The following PCDHB8 variants were observed in gnomAD, a reference collection of about 807,000 sequenced individuals.
PCDHB8 encodes the protein protocadherin beta 8, also known as protocadherin beta-8.
For synonymous variants in PCDHB8, 385 were observed against 448.5 expected, an observed-to-expected ratio of 0.86 and a Z score of 1.79; for missense variants, 836 against 1,004.0, an observed-to-expected ratio of 0.83 and a Z score of 2.26.
Position 141,180,391 on chromosome 5 carries a change from A to T in PCDHB8, c.2357A>T (p.Gln786Leu). ...CATTCTTTTGGGCCAGAAATGGAAC[A>T]AAACTCTAACTTTAGGAATGGCTTT... Reference protein sequence around the residue: ...QGHSFGPEMEQNSNFRNGFGF... With the variant: ...QGHSFGPEMELNSNFRNGFGF... The change falls in exon 1 of 1, where the codon CAA (glutamine) becomes CTA (leucine). Residue 786 changes from glutamine to leucine, a missense_variant. By Grantham distance (113) the Gln-to-Leu change is moderately radical (BLOSUM62 -2). Coordinates refer to ENST00000239444, the MANE Select transcript of PCDHB8 (RefSeq NM_019120.5). The T allele has an allele frequency of 6.2e-7, 1 of 1,608,586 alleles. No individual in the cohort carries two copies. Among genetic ancestry groups the T allele is most frequent in the Non-Finnish European group, 8.5e-7 (1 of 1,175,382 alleles).
chr5:141,180,134 G>A lies in PCDHB8; in HGVS notation c.2100G>A (p.Ser700=), dbSNP rs1235643501. ...TGGTGGCGTTGGCCTCGGTGTCTTC[G>A]CTCTTCCTCTTCTCGGTGCTCCTGT... The part of the protein sequence containing the change: ...YLVVALASVS[S]LFLFSVLLFV... Residue 700 remains serine, a synonymous_variant, in exon 1 of 1, where the codon TCG becomes TCA. Coordinates refer to ENST00000239444, the MANE Select transcript of PCDHB8 (RefSeq NM_019120.5). 5 of 1,611,202 alleles carry A rather than the reference G, an allele frequency of 3.1e-6. No individual in the cohort carries two copies. In the South Asian group the frequency reaches 3.3e-5, roughly 11 times the overall value.
In PCDHB8 at chr5:141,178,518, G is replaced by A; in HGVS notation, c.484G>A (p.Asp162Asn). The change falls in exon 1 of 1, where the codon GAT becomes AAT. Residue 162 changes from aspartate to asparagine, a missense_variant. Coordinates refer to ENST00000239444, the MANE Select transcript of PCDHB8 (RefSeq NM_019120.5). The part of the protein sequence containing the change: ...AFPLKNAEDL[D>N]IGQNNIENYI... ...TCCTCTGAAGAATGCTGAAGACTTA[G>A]ATATAGGCCAAAACAATATTGAGAA... 2.5e-6 allele frequency: 4 copies of A among 1,614,216 alleles called. No individual in the cohort carries two copies. Among genetic ancestry groups the A allele is most frequent in the Non-Finnish European group, 3.4e-6 (4 of 1,180,044 alleles).
rs1753532513 is a variant in PCDHB8 at position 141,180,339 on chromosome 5, A to G, written c.2305A>G (p.Lys769Glu). The G allele has an allele frequency of 1.9e-6, 3 of 1,614,150 alleles. No individual in the cohort carries two copies. The highest frequency in any genetic ancestry group is 2.5e-6 in the Non-Finnish European group (3 of 1,180,028). Residue 769 changes from lysine to glutamate, a missense_variant, in exon 1 of 1, where the codon AAA becomes GAA. Lys to Glu is a moderately conservative substitution (Grantham distance 56). Coordinates refer to ENST00000239444, the MANE Select transcript of PCDHB8 (RefSeq NM_019120.5). ...GSGTNEFQLL[K>E]PVLPNIQGHS... ...AGGGACGAATGAGTTCCAGCTCCTG[A>G]AACCAGTATTACCTAATATTCAGGG...
At position 141,179,914 on chromosome 5, in the gene PCDHB8, C is replaced by T; in HGVS notation, c.1880C>T (p.Thr627Ile). The T allele has an allele frequency of 6.2e-7, 1 of 1,609,208 alleles. No homozygotes were observed. Among genetic ancestry groups the T allele is most frequent in the Non-Finnish European group, 8.5e-7 (1 of 1,179,552 alleles). The stretch of plus-strand genomic sequence containing the variant: ...TGGGCGCACAATGGCGAGGTGCGCA[C>T]CGCCAGGCTGCTGAGCGAGCGCGAC... The part of the protein sequence containing the change: ...GVWAHNGEVR[T>I]ARLLSERDAA... Residue 627 changes from threonine to isoleucine, a missense_variant, in exon 1 of 1, where the codon ACC becomes ATC. Coordinates refer to ENST00000239444, the MANE Select transcript of PCDHB8 (RefSeq NM_019120.5).
At position 141,179,353 on chromosome 5, in the gene PCDHB8, T is replaced by A. The variant is rs1753474868; in HGVS notation, c.1319T>A (p.Val440Glu). The change falls in exon 1 of 1, where the codon GTG becomes GAG. Residue 440 changes from valine to glutamate, a missense_variant. Val to Glu is a moderately radical substitution (Grantham distance 121). Transcript: ENST00000239444. Reference protein sequence around the residue: ...PRLTTHLNMTVLVSDVNDNAP... With the variant: ...PRLTTHLNMTELVSDVNDNAP... ...CTGACAACACATCTCAATATGACCG[T>A]GCTGGTGTCGGACGTCAATGACAAC... 2.5e-6 allele frequency: 4 copies of A among 1,614,240 alleles called. No individual in the cohort carries two copies. The highest frequency in any genetic ancestry group is 3.4e-6 in the Non-Finnish European group (4 of 1,180,050).
rs17096961 is a variant in PCDHB8, at chr5:141,180,268, G to C, written c.2234G>C (p.Ser745Thr). 3.7e-6 allele frequency: 6 copies of C among 1,613,720 alleles called. No homozygotes were observed. The African/African-American group carries it at 4.0e-5, about 11-fold the overall frequency. Residue 745 changes from serine to threonine, a missense_variant, in exon 1 of 1, where the codon AGC (serine) becomes ACC (threonine). Transcript: ENST00000239444. ...CTGGTGGACGTGAGGGGCACCGGGAGCCTGTCTCAGAACTATCAGTACGAG... is the reference window on the plus strand; with the variant it reads ...CTGGTGGACGTGAGGGGCACCGGGACCCTGTCTCAGAACTATCAGTACGAG... ...GHLVDVRGTGSLSQNYQYEVC... is the reference protein window; with the variant it reads ...GHLVDVRGTGTLSQNYQYEVC...
Position 141,179,337 on chromosome 5 carries a change from C to G in PCDHB8, c.1303C>G (p.His435Asp), listed in dbSNP as rs868926928. Residue 435 changes from histidine (H) to aspartate (D), a missense_variant, in exon 1 of 1, where the codon CAT (histidine) becomes GAT (aspartate). His to Asp is a moderately conservative substitution (Grantham distance 81). Coordinates refer to ENST00000239444, the MANE Select transcript of PCDHB8 (RefSeq NM_019120.5). ...CTTAGGGACACCCAGGCTGACAACA[C>G]ATCTCAATATGACCGTGCTGGTGTC... ...TDLGTPRLTT[H>D]LNMTVLVSDV... 5.0e-6 allele frequency: 8 copies of G among 1,614,146 alleles called. No homozygotes were observed. In the Middle Eastern group the frequency reaches 6.6e-4, roughly 133 times the overall value.
Position 141,179,929 on chromosome 5 carries a change from G to A in PCDHB8, c.1895G>A (p.Ser632Asn), listed in dbSNP as rs1554281453. 8 of 1,608,852 alleles carry A rather than the reference G, an allele frequency of 5.0e-6. No homozygotes were observed. Among genetic ancestry groups the A allele is most frequent in the Non-Finnish European group, 6.8e-6 (8 of 1,179,564 alleles). ...NGEVRTARLL[S>N]ERDAAKQRLV... ...GAGGTGCGCACCGCCAGGCTGCTGA[G>A]CGAGCGCGACGCGGCCAAGCAGAGG... Residue 632 changes from serine (S) to asparagine (N), a missense_variant, in exon 1 of 1, where the codon AGC (serine) becomes AAC (asparagine). Coordinates refer to ENST00000239444, the MANE Select transcript of PCDHB8 (RefSeq NM_019120.5).
At position 141,178,001 on chromosome 5, in the gene PCDHB8, C is replaced by T; in HGVS notation, c.-34C>T. Reference sequence around the variant, plus strand: ...CTGGGGACTTTACAGTCCCACAGAACCGTCCTCCCAGGAAGCTGAATTCAG... The same window carrying T: ...CTGGGGACTTTACAGTCCCACAGAATCGTCCTCCCAGGAAGCTGAATTCAG... On this transcript the variant is annotated 5_prime_UTR_variant, in exon 1 of 1. Coordinates refer to ENST00000239444, the MANE Select transcript of PCDHB8 (RefSeq NM_019120.5). The T allele has an allele frequency of 6.2e-7, 1 of 1,613,822 alleles. No individual in the cohort carries two copies. Among genetic ancestry groups the T allele is most frequent in the South Asian group, 1.1e-5 (1 of 91,064 alleles).
chr5:141,178,752 G>A lies in PCDHB8; in HGVS notation c.718G>A (p.Ala240Thr), dbSNP rs568936593. 7.4e-6 allele frequency: 12 copies of A among 1,611,708 alleles called. No individual in the cohort carries two copies. The South Asian group carries it at 1.2e-4, about 16-fold the overall frequency. ...YIEVVDVNDNAPEFEQPFYRV... is the reference protein window; with the variant it reads ...YIEVVDVNDNTPEFEQPFYRV... Reference sequence around the variant, plus strand: ...TGAAGTTGTCGATGTCAATGATAATGCCCCTGAATTTGAGCAGCCTTTCTA... The same window carrying A: ...TGAAGTTGTCGATGTCAATGATAATACCCCTGAATTTGAGCAGCCTTTCTA... The change falls in exon 1 of 1, where the codon GCC becomes ACC. Residue 240 changes from alanine to threonine, a missense_variant. Coordinates refer to ENST00000239444, the MANE Select transcript of PCDHB8 (RefSeq NM_019120.5).
rs149873516 is a variant in PCDHB8, at chr5:141,178,788, A to T, written c.754A>T (p.Ile252Phe). 55 of 1,613,998 alleles carry T rather than the reference A, an allele frequency of 3.4e-5. No homozygotes were observed. In the African/African-American group the frequency reaches 7.2e-4, roughly 21 times the overall value. Residue 252 changes from isoleucine to phenylalanine, a missense_variant, in exon 1 of 1, where the codon ATC becomes TTC. Ile to Phe is a conservative substitution (Grantham distance 21, BLOSUM62 0). Transcript: ENST00000239444. ...TGAGCAGCCTTTCTATAGGGTGCAG[A>T]TCTCTGAGGACAGTCCAATAAGCTT... ...EFEQPFYRVQ[I>F]SEDSPISFLV...
At position 141,178,250 on chromosome 5, in the gene PCDHB8, C is replaced by G. The variant is rs201496982; in HGVS notation, c.216C>G (p.Asn72Lys). 4,009 of 1,507,666 alleles carry G rather than the reference C, an allele frequency of 2.7e-3. 97 individuals are homozygous for G. In the African/African-American group the frequency reaches 0.044, roughly 16 times the overall value. The allele number at this position is 1,507,666 out of a possible 1,614,324, so 93.4% of individuals were successfully genotyped here. The part of the protein sequence containing the change: ...RRGVRVVSRG[N>K]KLHLQLNQET... ...GGGTTAGGGTTGTTTCCAGAGGGAA[C>G]AAACTACATTTGCAGCTCAATCAGG... is the stretch of plus-strand genomic sequence containing the variant. The change falls in exon 1 of 1, where the codon AAC becomes AAG. Residue 72 changes from asparagine to lysine, a missense_variant. Coordinates refer to ENST00000239444, the MANE Select transcript of PCDHB8 (RefSeq NM_019120.5).
At position 141,177,874 on chromosome 5, in the gene PCDHB8, A is replaced by G; in HGVS notation, c.-161A>G. 1 of 644,298 alleles carries G rather than the reference A, an allele frequency of 1.6e-6. No individual in the cohort carries two copies. The highest frequency in any genetic ancestry group is 2.7e-6 in the Non-Finnish European group (1 of 365,664). The allele number at this position is 644,298 out of a possible 1,614,324, so 39.9% of individuals were successfully genotyped here. A position where few individuals can be genotyped will look rare whatever the true frequency, so the allele number is the denominator to read the frequency against. ...AAAAAGCAGCAGAACCTGGAAGTCC[A>G]CGGGGAGCTTGGATGCCAAAGGGAG... On this transcript the variant is annotated 5_prime_UTR_variant, in exon 1 of 1. Coordinates refer to ENST00000239444, the MANE Select transcript of PCDHB8 (RefSeq NM_019120.5).
rs17844507 is a variant in PCDHB8 at position 141,180,098 on chromosome 5, C to T, written c.2064C>T (p.Thr688=). Residue 688 remains threonine (T), a synonymous_variant, in exon 1 of 1, where the codon ACC becomes ACT. Transcript: ENST00000239444. ...APAQGQADSL[T]VYLVVALASV... is the part of the protein sequence containing the mutation. ...CCCAGGGCCAGGCCGACTCTCTCAC[C>T]GTCTACCTGGTGGTGGCGTTGGCCT... 3.0e-5 allele frequency: 48 copies of T among 1,610,296 alleles called. No homozygotes were observed. The highest frequency in any genetic ancestry group is 3.7e-5 in the Non-Finnish European group (44 of 1,179,796).
Position 141,180,466 on chromosome 5 carries a change from T to G in PCDHB8, c.*26T>G. 1.4e-6 allele frequency: 2 copies of G among 1,423,260 alleles called. No individual in the cohort carries two copies. Among genetic ancestry groups the G allele is most frequent in the Non-Finnish European group, 1.9e-6 (2 of 1,069,520 alleles). The allele number at this position is 1,423,260 out of a possible 1,614,324, so 88.2% of individuals were successfully genotyped here. ...TTGATTTCATATTATATATTTTAAT[T>G]TTTATGATCAATTCAAAGGAATGGT... On this transcript the variant is annotated 3_prime_UTR_variant, in exon 1 of 1. Transcript: ENST00000239444.
At position 141,179,378 on chromosome 5, in the gene PCDHB8, C is replaced by T. The variant is rs1554281186; in HGVS notation, c.1344C>T (p.Asn448=). Reference sequence around the variant, plus strand: ...TGCTGGTGTCGGACGTCAATGACAACGCCCCCGCCTTCACCCAAACCTCCT... The same window carrying T: ...TGCTGGTGTCGGACGTCAATGACAATGCCCCCGCCTTCACCCAAACCTCCT... ...MTVLVSDVND[N]APAFTQTSYT... Residue 448 remains asparagine (N), a synonymous_variant, in exon 1 of 1, where the codon AAC becomes AAT. Transcript: ENST00000239444. 2 of 1,614,228 alleles carry T rather than the reference C, an allele frequency of 1.2e-6. No individual in the cohort carries two copies. The highest frequency in any genetic ancestry group is 1.1e-5 in the South Asian group (1 of 91,090).
chr5:141,177,802 A>G lies in PCDHB8; in HGVS notation c.-233A>G, dbSNP rs1440326886. ...TGAGGACCCGTGGTGGCGCTGCAGGATAAGAAGGCACAAACCAGAACCGCA... is the reference window on the plus strand; with the variant it reads ...TGAGGACCCGTGGTGGCGCTGCAGGGTAAGAAGGCACAAACCAGAACCGCA... On this transcript the variant is annotated 5_prime_UTR_variant, in exon 1 of 1. Transcript: ENST00000239444. 4.8e-6 allele frequency: 3 copies of G among 628,036 alleles called. No individual in the cohort carries two copies. Among genetic ancestry groups the G allele is most frequent in the Non-Finnish European group, 8.2e-6 (3 of 365,730 alleles). 38.9% of individuals were successfully genotyped at this position (628,036 alleles called of 1,614,324 possible). A position where few individuals can be genotyped will look rare whatever the true frequency, so the allele number is the denominator to read the frequency against.
rs202152706 is a variant in PCDHB8, at chr5:141,178,198, T to C, written c.164T>C (p.Leu55Pro). The C allele has an allele frequency of 0.14, 215,882 of 1,527,728 alleles. 19,178 individuals carry two copies. The highest frequency in any genetic ancestry group is 0.18 in the Middle Eastern group (988 of 5,604). 94.6% of individuals were successfully genotyped at this position (1,527,728 alleles called of 1,614,324 possible). The change falls in exon 1 of 1, where the codon CTG becomes CCG. Residue 55 changes from leucine (L) to proline (P), a missense_variant. Leu to Pro is a moderately conservative substitution (Grantham distance 98). Transcript: ENST00000239444. ...FVTNLAKDLG[L>P]EQREFSRRGV... is the part of the protein sequence containing the mutation. ...ACCAATTTAGCAAAGGACCTGGGTC[T>C]GGAGCAGAGGGAATTCTCCAGGCGG...
rs782704020 is a variant in PCDHB8, at chr5:141,180,080, C to A, written c.2046C>A (p.Gly682=). 10 of 1,610,090 alleles carry A rather than the reference C, an allele frequency of 6.2e-6. No homozygotes were observed. The Admixed American group carries it at 1.7e-4, about 27-fold the overall frequency. Residue 682 remains glycine, a synonymous_variant, in exon 1 of 1, where the codon GGC becomes GGA. Coordinates refer to ENST00000239444, the MANE Select transcript of PCDHB8 (RefSeq NM_019120.5). ...LPLPEAAPAQ[G]QADSLTVYLV... The stretch of plus-strand genomic sequence containing the variant: ...TTCCGGAGGCTGCCCCAGCCCAGGG[C>A]CAGGCCGACTCTCTCACCGTCTACC...
Sources: gnomAD v4.1 joint callset for allele counts on GRCh38, gnomAD v4.1.1 for gene constraint, MANE v1.5 for transcripts, NCBI Gene and HGNC (gene_info 2026-07-23, HGNC 2026-07-21) for gene names.